The following SMARCAL1 variants were observed in gnomAD, a reference collection of about 807,000 sequenced individuals.
SMARCAL1 encodes SNF2 related chromatin remodeling annealing helicase 1, also known as ATP-driven annealing helicase.
In SMARCAL1, 58 loss-of-function variants were observed where a neutral mutation model predicts 94.5. The observed-to-expected ratio is 0.61, with a 90% CI of 0.50 to 0.76. The LOEUF (loss-of-function observed/expected upper bound fraction) is 0.76, where lower values mean the gene tolerates loss of function less well. SMARCAL1 is among the 30% of genes least tolerant of loss of function. SMARCAL1 has a pLI of 0.00. For synonymous variants in SMARCAL1, 422 were observed against 455.1 expected (o/e 0.93, Z 0.93); for missense variants, 1,051 against 1,177.9 (o/e 0.89, Z 1.58).
chr2:216,416,338 G>A, intron 4 of SMARCAL1, 31 bp downstream of exon 4: 3 of 1,569,964 alleles, frequency 1.9e-6, no homozygotes, highest in South Asian at 1.1e-5. Context: ...CTCATGGAGG[G>A]TGGCACTGGT....
intron 6 of SMARCAL1, among the ~76,000 whole-genome samples, chr2:216,424,752 T>C (rs1349665924): frequency 2.0e-5 from 3 of 152,232 alleles, no homozygotes; most frequent in Non-Finnish European, 2.9e-5. Flanking sequence ...GAAGAGCCTT[T>C]GGTTCCTTGA....
intron 15 of SMARCAL1, 58 bp from the exon 16 acceptor site, chr2:216,477,051 A>G: frequency 7.3e-7 from 1 of 1,363,076 alleles, no homozygotes; most frequent in South Asian, 1.2e-5. Context: ...CATACCTGCT[A>G]TGGTGGATGG....
intron 12 of SMARCAL1, among the ~76,000 whole-genome samples, chr2:216,459,707 T>C (rs1225091512): frequency 1.4e-4 from 21 of 151,844 alleles, no homozygotes; most frequent in Non-Finnish European, 2.9e-5. Flanking sequence ...AAGACTTAAA[T>C]GTTAGACCTA....
At chr2:216,424,923 A>AT (rs901861855) in intron 6 of SMARCAL1, among the ~76,000 whole-genome samples, 3 of 151,766 alleles carry the variant, frequency 2.0e-5, no homozygotes, top group Middle Eastern at 3.4e-3. Context: ...CAAAATCTGA[A>AT]TTTTTTTTTC....
chr2:216,472,275 A>AACCT (rs879562359), intron 14 of SMARCAL1, among the ~76,000 whole-genome samples: 1 of 152,126 alleles, frequency 6.6e-6, no homozygotes, highest in East Asian at 1.9e-4. Flanking sequence ...GAATTGCTTG[A>AACCT]ACCTGGGAAG....
At chr2:216,464,031 G>A (rs1574476667) in intron 12 of SMARCAL1, among the ~76,000 whole-genome samples, 2 of 152,282 alleles carry the variant, frequency 1.3e-5, no homozygotes, top group Middle Eastern at 3.4e-3. Context: ...GAGACAGAGC[G>A]AGACTTTGTC....
Position 216,475,398 on chromosome 2 carries a change from A to C in SMARCAL1, c.2374A>C (p.Thr792Pro), listed in dbSNP as rs1312707667. 3 of 1,613,984 alleles carry C rather than the reference A, an allele frequency of 1.9e-6. No individual in the cohort carries two copies. The African/African-American group carries it at 4.0e-5, about 22-fold the overall frequency. ...CATCACCGCTGCCAATATGGGCCTC[A>C]CCTTCTCCTCGGCTGACCTGGTGGT... ...LSITAANMGL[T>P]FSSADLVVFA... The change falls in exon 15 of 18, where the codon ACC (threonine) becomes CCC (proline). Residue 792 changes from threonine to proline, a missense_variant. Thr to Pro is a conservative substitution (Grantham distance 38). This residue lies in a region of SMARCAL1 where 642 missense variants were observed against 754.7 expected (regional missense o/e 0.85). Coordinates refer to ENST00000357276, the MANE Select transcript of SMARCAL1 (RefSeq NM_014140.4). The surrounding 1 kb of genome is among the most constrained non-coding windows in gnomAD (Gnocchi z 4.4).
chr2:216,466,791 A>C (rs552006994), intron 13 of SMARCAL1, among the ~76,000 whole-genome samples: 5 of 152,248 alleles, frequency 3.3e-5, no homozygotes, highest in Admixed American at 6.5e-5. Flanking sequence ...GGCAAATTTT[A>C]TGTCTCTCAA....
intron 7 of SMARCAL1, among the ~76,000 whole-genome samples, chr2:216,429,600 A>G (rs1466184786): frequency 6.6e-6 from 1 of 152,236 alleles, no homozygotes; most frequent in Non-Finnish European, 1.5e-5. Context: ...AGAAGCTGTT[A>G]TTAGACAGTG....
At chr2:216,440,140 T>A (rs956807244) in intron 10 of SMARCAL1, among the ~76,000 whole-genome samples, 1 of 152,180 alleles carries the variant, frequency 6.6e-6, no homozygotes, top group Non-Finnish European at 1.5e-5. Context: ...AAATAAAATG[T>A]TTTTCCTAGG....
intron 17 of SMARCAL1, 45 bp downstream of exon 17, chr2:216,478,344 A>G (rs1439126615): frequency 1.4e-6 from 2 of 1,466,898 alleles, no homozygotes; most frequent in East Asian, 4.5e-5. Flanking sequence ...AGAGGGAGGC[A>G]TTAAGCTGTC....
intron 6 of SMARCAL1, among the ~76,000 whole-genome samples, chr2:216,428,348 G>A (rs1693884522): frequency 6.6e-6 from 1 of 152,062 alleles, no homozygotes. Flanking sequence ...TTAAAATCAG[G>A]TGAGACTACA....
chr2:216,447,669 CAAAAAAAAAAG>C (rs1318823098), intron 11 of SMARCAL1, among the ~76,000 whole-genome samples: 7 of 148,080 alleles, frequency 4.7e-5, no homozygotes, highest in African/African-American at 1.7e-4. Flanking sequence ...CCTCCCTGTG[CAAAAAAAAAAG>C]AAAAAAAAAG....
intron 14 of SMARCAL1, among the ~76,000 whole-genome samples, chr2:216,471,356 ATT>A (rs200528251): frequency 7.0e-5 from 10 of 143,162 alleles, no homozygotes; most frequent in African/African-American, 7.7e-5. Context: ...CAGTGATTAA[ATT>A]TTTTTTTTTT....
rs1190359345 is a variant in SMARCAL1 at position 216,482,251 on chromosome 2, G to A, written c.2626-487G>A. On this transcript the variant is annotated intron_variant, in intron 17 of 17. Coordinates refer to ENST00000357276, the MANE Select transcript of SMARCAL1 (RefSeq NM_014140.4). The surrounding 1 kb of genome is among the most constrained non-coding windows in gnomAD (Gnocchi z 4.3). ...GCAGATCATTTGAGCTCAGGAGTTC[G>A]AGACCAGCCTGGGCAACATTTAGTG... Among the ~76,000 whole-genome samples the A allele has an allele frequency of 3.3e-5, 5 of 152,042 alleles. No homozygotes were observed. Among genetic ancestry groups the A allele is most frequent in the African/African-American group, 7.3e-5 (3 of 41,376 alleles).
rs770049590 is a variant in SMARCAL1 at position 216,432,794 on chromosome 2, A to G, written c.1411A>G (p.Ile471Val). Residue 471 changes from isoleucine (I) to valine (V), a missense_variant, in exon 8 of 18, where the codon ATC becomes GTC. Physicochemically the swap from Ile to Val is conservative, Grantham distance 29. This residue lies in a region of SMARCAL1 where 642 missense variants were observed against 754.7 expected (regional missense o/e 0.85). Transcript: ENST00000357276. ...GGGGAAGACCATCCAAGCCATCTGCATCGCAGCCTTTTACCGGAAGGAGTG... is the reference window on the plus strand; with the variant it reads ...GGGGAAGACCATCCAAGCCATCTGCGTCGCAGCCTTTTACCGGAAGGAGTG... Reference protein sequence around the residue: ...GLGKTIQAICIAAFYRKEWPL... With the variant: ...GLGKTIQAICVAAFYRKEWPL... 58 of 1,614,100 alleles carry G rather than the reference A, an allele frequency of 3.6e-5. No homozygotes were observed. Among genetic ancestry groups the G allele is most frequent in the Non-Finnish European group, 4.9e-5 (58 of 1,180,044 alleles).
chr2:216,478,399 A>G lies in SMARCAL1; in HGVS notation c.2625+100A>G, dbSNP rs1359800601. Reference sequence around the variant, plus strand: ...GAGTAGGAGGATGTGAATCACTCCTAGGGACCTCCCCCAGCCTAGAGCTGA... The same window carrying G: ...GAGTAGGAGGATGTGAATCACTCCTGGGGACCTCCCCCAGCCTAGAGCTGA... On this transcript the variant is annotated intron_variant, in intron 17 of 17. Transcript: ENST00000357276. The G allele has an allele frequency of 4.6e-6, 4 of 878,104 alleles. No homozygotes were observed. The Admixed American group carries it at 7.1e-5, about 16-fold the overall frequency. 54.4% of individuals were successfully genotyped at this position (878,104 alleles called of 1,614,324 possible).
intron 3 of SMARCAL1, 49 bp from the exon 4 acceptor site, chr2:216,416,208 T>C: frequency 6.6e-7 from 1 of 1,515,380 alleles, no homozygotes; most frequent in Non-Finnish European, 9.2e-7. Flanking sequence ...TTGTGTTGAG[T>C]GCCTAAGTAC....
chr2:216,434,512 AC>A (rs1170837832), intron 8 of SMARCAL1, among the ~76,000 whole-genome samples: 1 of 152,072 alleles, frequency 6.6e-6, no homozygotes. Flanking sequence ...CAGAAATGAA[AC>A]CCAGACACTG....
Sources: gnomAD v4.1 joint callset for allele counts (sites outside exome capture counted in the v4.1 genomes callset) on GRCh38, gnomAD v4.1.1 for gene constraint, gnomAD v4.1.1 regional missense constraint, Gnocchi (gnomAD v3.1) non-coding constraint, MANE v1.5 for transcripts, NCBI Gene and HGNC (gene_info 2026-07-23, HGNC 2026-07-21) for gene names.